Variants in LINGO2 observed in about 807,000 individuals in gnomAD.
The protein encoded by LINGO2 is leucine-rich repeat and immunoglobulin-like domain-containing nogo receptor-interacting protein 2.
Under a neutral mutation model 30.6 loss-of-function variants are expected in LINGO2, and 14 were observed. That is an observed-to-expected ratio of 0.46 (90% CI 0.30 to 0.72). The LOEUF is 0.72. Ranked by LOEUF, LINGO2 falls within the 30% of genes least tolerant of loss-of-function variation. The pLI is 0.07. For synonymous variants in LINGO2, 317 were observed against 288.5 expected, an observed-to-expected ratio of 1.10 and a Z score of -1.00; for missense variants, 729 against 751.7, an observed-to-expected ratio of 0.97 and a Z score of 0.35.
chr9:28,278,846 CATAG>C (rs1258291864), intron 4 of LINGO2, among the ~76,000 whole-genome samples: 2 of 152,028 alleles, frequency 1.3e-5, no homozygotes, highest in Non-Finnish European at 2.9e-5. Flanking sequence ...GCTATAGCTC[CATAG>C]ATAGTGATTC....
At chr9:29,191,483 C>T in the LINGO2 span, among the ~76,000 whole-genome samples, 87 of 150,816 alleles carry the variant, frequency 5.8e-4, no homozygotes, top group African/African-American at 1.9e-3. Context: ...TTTTTTTTGG[C>T]GGCAATGATT....
At chr9:28,389,995 T>C (rs761941821) in intron 2 of LINGO2, among the ~76,000 whole-genome samples, 4 of 152,196 alleles carry the variant, frequency 2.6e-5, no homozygotes, top group African/African-American at 9.7e-5. Flanking sequence ...TACTCCTAAA[T>C]TGCCCTTAAA....
intron 1 of LINGO2, among the ~76,000 whole-genome samples, chr9:28,531,336 G>C (rs1821230814): frequency 6.6e-6 from 1 of 151,722 alleles, no homozygotes; most frequent in Non-Finnish European, 1.5e-5. Context: ...TTAAGGCATT[G>C]GTTATTTTTC....
intron 2 of LINGO2, among the ~76,000 whole-genome samples, chr9:28,390,532 C>T (rs1177703906): frequency 4.0e-5 from 6 of 149,966 alleles, no homozygotes; most frequent in African/African-American, 1.2e-4. Context: ...CTGACATATA[C>T]ACACAGAGCA....
the LINGO2 span, among the ~76,000 whole-genome samples, chr9:29,149,650 C>A: frequency 6.6e-6 from 1 of 152,018 alleles, no homozygotes; most frequent in Non-Finnish European, 1.5e-5. Context: ...CCTTACGGGC[C>A]TCCAGGATCC....
At chr9:28,016,643 A>C (rs1563915278) in intron 4 of LINGO2, among the ~76,000 whole-genome samples, 1 of 58,220 alleles carries the variant, frequency 1.7e-5, no homozygotes, top group Non-Finnish European at 3.4e-5. Context: ...GAAGACACTG[A>C]ATCTCCAAAC....
the LINGO2 span, among the ~76,000 whole-genome samples, chr9:28,860,442 A>C: frequency 2.0e-5 from 3 of 151,994 alleles, no homozygotes; most frequent in Non-Finnish European, 4.4e-5. Context: ...ATTAGATTGC[A>C]CTTGGACTTG....
At chr9:28,309,428 G>A (rs1478086997) in intron 3 of LINGO2, among the ~76,000 whole-genome samples, 6 of 150,522 alleles carry the variant, frequency 4.0e-5, no homozygotes, top group Non-Finnish European at 5.9e-5. Flanking sequence ...TCTGGGGACT[G>A]TTGTGGGGTG....
the LINGO2 span, among the ~76,000 whole-genome samples, chr9:29,094,677 A>G: frequency 7.2e-6 from 1 of 138,996 alleles, no homozygotes; most frequent in East Asian, 2.4e-4. Context: ...CTGACTATAG[A>G]AAGTAACACA....
At chr9:29,017,432 T>C in the LINGO2 span, among the ~76,000 whole-genome samples, 7 of 152,240 alleles carry the variant, frequency 4.6e-5, no homozygotes, top group East Asian at 1.4e-3. Flanking sequence ...ATATACTATT[T>C]ATCAGAAAGT....
Position 28,045,423 on chromosome 9 carries a change from T to TATGC in LINGO2, c.-86-33019_-86-33018insGCAT, listed in dbSNP as rs1172477586. Among the ~76,000 whole-genome samples the TATGC allele has an allele frequency of 2.0e-4, 30 of 152,316 alleles. 1 individual carries two copies. In the East Asian group the frequency reaches 4.8e-3, roughly 25 times the overall value. ...GAATCAAGTTAGCTCTAGCAACTTA[T>TATGC]AAAGCTATATTCTCTTTGCATATCT... On this transcript the variant is annotated intron_variant, in intron 4 of 5. Coordinates refer to ENST00000379992, the Ensembl canonical transcript of LINGO2.
chr9:29,111,412 T>TC, the LINGO2 span, among the ~76,000 whole-genome samples: 1 of 152,042 alleles, frequency 6.6e-6, no homozygotes, highest in Non-Finnish European at 1.5e-5. Context: ...TCTCCACAAG[T>TC]CCCTTCCCAT....
intron 4 of LINGO2, among the ~76,000 whole-genome samples, chr9:28,022,606 A>AT (rs1823185773): frequency 6.6e-6 from 1 of 151,878 alleles, no homozygotes; most frequent in Admixed American, 6.6e-5. Flanking sequence ...CAGTTTAAAT[A>AT]TTTTTTATTT....
At chr9:28,460,342 A>G (rs10118885) in intron 2 of LINGO2, among the ~76,000 whole-genome samples, 102,102 of 152,008 alleles carry the variant, frequency 0.67, 34,568 homozygotes, top group South Asian at 0.79. Flanking sequence ...AAAATAAATG[A>G]CCTTTGGACA....
At position 28,515,608 on chromosome 9, in the gene LINGO2, C is replaced by T. The variant is rs560542385; in HGVS notation, c.-364-39583G>A. Among the ~76,000 whole-genome samples the T allele has an allele frequency of 3.9e-5, 6 of 152,280 alleles. No homozygotes were observed. In the South Asian group the frequency reaches 1.2e-3, roughly 32 times the overall value. The stretch of plus-strand genomic sequence containing the variant: ...AGAGAACTAGAAGCAGAAGTGGAGT[C>T]TGAAGATGTGACTGAGTTGATGCTA... On this transcript the variant is annotated intron_variant, in intron 1 of 5. Transcript: ENST00000379992.
the LINGO2 span, among the ~76,000 whole-genome samples, chr9:28,748,051 T>G: frequency 6.6e-6 from 1 of 152,166 alleles, no homozygotes; most frequent in Non-Finnish European, 1.5e-5. Flanking sequence ...TAATTAAACA[T>G]ACTTGATTGC....
the LINGO2 span, among the ~76,000 whole-genome samples, chr9:29,028,814 G>T: frequency 6.6e-6 from 1 of 152,138 alleles, no homozygotes; most frequent in African/African-American, 2.4e-5. Flanking sequence ...CCAGACTCCA[G>T]CAAGGCTATC....
At chr9:28,538,774 C>G (rs1344934402) in intron 1 of LINGO2, among the ~76,000 whole-genome samples, 4 of 152,060 alleles carry the variant, frequency 2.6e-5, no homozygotes, top group Admixed American at 2.6e-4. Flanking sequence ...GTGGAGTCCT[C>G]ATGACCGAAA....
At chr9:28,995,666 T>C in the LINGO2 span, among the ~76,000 whole-genome samples, 4 of 152,160 alleles carry the variant, frequency 2.6e-5, no homozygotes, top group African/African-American at 9.7e-5. Context: ...GTGGCACATA[T>C]ACACTATGGA....
Sources: allele counts gnomAD v4.1 joint callset (sites outside exome capture counted in the v4.1 genomes callset), GRCh38; gene constraint gnomAD v4.1.1; transcripts MANE v1.5; gene names NCBI Gene and HGNC (gene_info 2026-07-23, HGNC 2026-07-21).